PCDHGB3: variants seen among roughly 807,000 people sequenced by gnomAD.
The protein encoded by PCDHGB3 is protocadherin gamma subfamily B, 3, also known as protocadherin gamma-B3.
A neutral mutation model predicts 59.2 loss-of-function variants in PCDHGB3; 40 were observed. The observed-to-expected ratio is 0.68, with a 90% CI of 0.52 to 0.88. The LOEUF is 0.88. Ranked by LOEUF, PCDHGB3 falls within the 40% of genes least tolerant of loss-of-function variation. The probability of loss-of-function intolerance (pLI) is 0.00; values close to 1 mark genes in which losing one functional copy is unlikely to be tolerated. For missense variants in PCDHGB3, 1,309 were observed against 1,187.9 expected, an observed-to-expected ratio of 1.10 and a Z score of -1.50; for synonymous variants, 581 against 503.6, an observed-to-expected ratio of 1.15 and a Z score of -2.06.
rs776374898 is a variant in PCDHGB3, at chr5:141,414,958, G to A, written c.2415+42149G>A. ...AGAGCCCGGCTACCTGGTGACCAAG[G>A]TGGTGGCGGTGGACAGAGACTCCGG... On this transcript the variant is annotated intron_variant, in intron 1 of 3. Coordinates refer to ENST00000576222, the MANE Select transcript of PCDHGB3 (RefSeq NM_018924.5). The A allele has an allele frequency of 3.7e-6, 6 of 1,614,024 alleles. No homozygotes were observed. The South Asian group carries it at 4.4e-5, about 12-fold the overall frequency.
chr5:141,408,559 C>T (rs1490844526), intron 1 of PCDHGB3: 3 of 1,614,000 alleles, frequency 1.9e-6, no homozygotes, highest in Non-Finnish European at 2.5e-6. Flanking sequence ...TTTTTCATGT[C>T]ATTGTGGTGA....
At chr5:141,452,460 G>A (rs750887712) in intron 1 of PCDHGB3, among the ~76,000 whole-genome samples, 1 of 152,140 alleles carries the variant, frequency 6.6e-6, no homozygotes, top group Non-Finnish European at 1.5e-5. Flanking sequence ...GTCAGCAGAC[G>A]GAGCTAGGAA....
chr5:141,409,750 G>T, intron 1 of PCDHGB3: 1 of 1,613,016 alleles, frequency 6.2e-7, no homozygotes, highest in South Asian at 1.1e-5. Context: ...TGGTGTTCGC[G>T]CAGCGCGCCT....
At chr5:141,396,104 A>T (rs1423560620) in intron 1 of PCDHGB3, 1 of 152,258 alleles carries the variant, frequency 6.6e-6, no homozygotes, top group African/African-American at 2.4e-5. Flanking sequence ...TGTTGATATT[A>T]AGAACCAATG....
chr5:141,396,595 G>C (rs1227428439), intron 1 of PCDHGB3: 1 of 151,972 alleles, frequency 6.6e-6, no homozygotes, highest in African/African-American at 2.4e-5. Flanking sequence ...ACTCCAGCCT[G>C]GGCAACAGGG....
chr5:141,412,967 A>G, intron 1 of PCDHGB3: 1 of 520,650 alleles, frequency 1.9e-6, no homozygotes, highest in Non-Finnish European at 3.3e-6. Context: ...CTACTAGGAG[A>G]GAAAACGCAG....
chr5:141,486,278 G>A lies in PCDHGB3; in HGVS notation c.2416-8529G>A. The A allele has an allele frequency of 1.2e-6, 2 of 1,614,088 alleles. No individual in the cohort carries two copies. Among genetic ancestry groups the A allele is most frequent in the South Asian group, 2.2e-5 (2 of 91,068 alleles). On this transcript the variant is annotated intron_variant, in intron 1 of 3. Transcript: ENST00000576222. This position sits in a 1 kb window ranked among gnomAD's most constrained non-coding sequence, Gnocchi z 5.0. The stretch of plus-strand genomic sequence containing the variant: ...CGAGAGTGCAGAACCTGGCACTGTG[G>A]TGGCACTTATCAGTGTGCAGGATCC...
chr5:141,374,327 G>C (rs766746841), intron 1 of PCDHGB3: 24 of 1,613,984 alleles, frequency 1.5e-5, no homozygotes, highest in Non-Finnish European at 2.0e-5. Context: ...TCCGCGAAAC[G>C]GCAGCTTGGT....
chr5:141,492,071 C>T (rs992716777), intron 1 of PCDHGB3: 7 of 481,874 alleles, frequency 1.5e-5, no homozygotes, highest in African/African-American at 1.4e-4. Context: ...CTCCTAGGCG[C>T]CGGCTCCGGC....
At chr5:141,410,849 C>CTTTTTCT (rs2095432763) in intron 1 of PCDHGB3, 1 of 129,786 alleles carries the variant, frequency 7.7e-6, no homozygotes, top group Non-Finnish European at 1.3e-5. Flanking sequence ...TTGTCTTTGT[C>CTTTTTCT]TTTTTTTTTT....
chr5:141,470,911 G>C (rs1208467445), intron 1 of PCDHGB3, among the ~76,000 whole-genome samples: 1 of 151,916 alleles, frequency 6.6e-6, no homozygotes, highest in African/African-American at 2.4e-5. Context: ...AGATGGGACT[G>C]TCCCTATGTT....
At chr5:141,403,223 G>C (rs1414315950) in intron 1 of PCDHGB3, 2 of 1,613,968 alleles carry the variant, frequency 1.2e-6, no homozygotes, top group Non-Finnish European at 8.5e-7. Flanking sequence ...GGGTAGGATA[G>C]ACCGGGAGGA....
In PCDHGB3 at chr5:141,371,847, G is replaced by C; in HGVS notation, c.1453G>C (p.Gly485Arg). ...CTCGGATCCCGACTTGGGACCTAAT[G>C]GCCTTGTCTCCTACTACATCGTGGC... is the stretch of plus-strand genomic sequence containing the variant. ...RASDPDLGPN[G>R]LVSYYIVASD... is the part of the protein sequence containing the mutation. Residue 485 changes from glycine (G) to arginine (R), a missense_variant, in exon 1 of 4, where the codon GGC (glycine) becomes CGC (arginine). Coordinates refer to ENST00000576222, the MANE Select transcript of PCDHGB3 (RefSeq NM_018924.5). 1 of 1,613,670 alleles carries C rather than the reference G, an allele frequency of 6.2e-7. No homozygotes were observed. Among genetic ancestry groups the C allele is most frequent in the Non-Finnish European group, 8.5e-7 (1 of 1,179,898 alleles).
At chr5:141,435,858 A>C (rs138728159) in intron 1 of PCDHGB3, among the ~76,000 whole-genome samples, 1 of 152,304 alleles carries the variant, frequency 6.6e-6, no homozygotes, top group East Asian at 1.9e-4. Context: ...TACAATAGTT[A>C]AAACCCAGAA....
chr5:141,402,829 T>G (rs921784924), intron 1 of PCDHGB3: 4 of 1,341,920 alleles, frequency 3.0e-6, no homozygotes, highest in Admixed American at 5.9e-5. Context: ...GCTCCCAGGC[T>G]GCAGCAAAAC....
intron 1 of PCDHGB3, chr5:141,428,269 C>T (rs1326212294): frequency 1.3e-6 from 1 of 777,738 alleles, no homozygotes; most frequent in Non-Finnish European, 2.2e-6. Flanking sequence ...CAGTCCTGTG[C>T]CCTCTGATTC....
intron 1 of PCDHGB3, among the ~76,000 whole-genome samples, chr5:141,401,626 C>T (rs1476531463): frequency 6.6e-6 from 1 of 152,174 alleles, no homozygotes; most frequent in Non-Finnish European, 1.5e-5. Flanking sequence ...TTTGTCTTAT[C>T]GTTTGGAGCT....
intron 3 of PCDHGB3, 86 bp downstream of exon 3, chr5:141,505,567 T>C: frequency 6.3e-7 from 1 of 1,599,440 alleles, no homozygotes; most frequent in South Asian, 1.1e-5. Flanking sequence ...ACGGACTGGA[T>C]GTCAAACCTG....
chr5:141,505,072 G>A (rs1374916789), intron 2 of PCDHGB3, among the ~76,000 whole-genome samples: 1 of 152,228 alleles, frequency 6.6e-6, no homozygotes. Context: ...TGAGGCAGGA[G>A]AATCGCTTGA....
Sources: gnomAD v4.1 joint callset for allele counts (sites outside exome capture counted in the v4.1 genomes callset) on GRCh38, gnomAD v4.1.1 for gene constraint, Gnocchi (gnomAD v3.1) non-coding constraint, MANE v1.5 for transcripts, NCBI Gene and HGNC (gene_info 2026-07-23, HGNC 2026-07-21) for gene names.